The following ABCC11 variants were observed in gnomAD, a reference collection of about 807,000 sequenced individuals.
The protein encoded by ABCC11 is ATP binding cassette subfamily C member 11.
Under a neutral mutation model 149.3 loss-of-function variants are expected in ABCC11, and 135 were observed. That is an observed-to-expected ratio of 0.90 (90% CI 0.79 to 1.04). The LOEUF (loss-of-function observed/expected upper bound fraction) is 1.04. ABCC11 is among the 50% of genes least tolerant of loss of function. The probability of loss-of-function intolerance (pLI) is 0.00; values close to 1 mark genes in which losing one functional copy is unlikely to be tolerated. For synonymous variants in ABCC11, 665 were observed against 671.4 expected (o/e 0.99, Z 0.15); for missense variants, 1,680 against 1,722.1 (o/e 0.98, Z 0.43).
chr16:48,177,013 T>C lies in ABCC11; in HGVS notation c.3449A>G (p.Tyr1150Cys), dbSNP rs1042653391. 1.1e-5 allele frequency: 18 copies of C among 1,614,210 alleles called. No individual in the cohort carries two copies. Among genetic ancestry groups the C allele is most frequent in the Non-Finnish European group, 1.5e-5 (18 of 1,180,032 alleles). ...EIIFQDYHMKYRDNTPTVLHG... is the reference protein window; with the variant it reads ...EIIFQDYHMKCRDNTPTVLHG... ...AAGCACGGTGGGTGTGTTGTCTCTGTATTTCATGTGATAATCCTGAAATAT... is the reference window on the plus strand; with the variant it reads ...AAGCACGGTGGGTGTGTTGTCTCTGCATTTCATGTGATAATCCTGAAATAT... The change falls in exon 25 of 30, where the codon TAC becomes TGC. Residue 1150 changes from tyrosine to cysteine, a missense_variant. By Grantham distance (194) the Tyr-to-Cys change is radical. Transcript: ENST00000356608.
intron 1 of ABCC11, 39 bp downstream of exon 1, chr16:48,247,275 A>G (rs1971454650): frequency 6.6e-6 from 1 of 151,256 alleles, no homozygotes; most frequent in Non-Finnish European, 1.5e-5. Context: ...CCATAGCATT[A>G]GCCTGTTTCC....
At position 48,196,145 on chromosome 16, in the gene ABCC11, C is replaced by T. The variant is rs577538736; in HGVS notation, c.2404+87G>A. ...ATGGCTCCTCTGGACCTCTCTACTT[C>T]ACATGACCTCACGTGTTCCAATCTG... On this transcript the variant is annotated intron_variant, in intron 18 of 29. Transcript: ENST00000356608. 8.1e-5 allele frequency: 113 copies of T among 1,387,164 alleles called. No homozygotes were observed. The African/African-American group carries it at 1.5e-3, about 18-fold the overall frequency. The allele number at this position is 1,387,164 out of a possible 1,614,324, so 85.9% of individuals were successfully genotyped here. A position where few individuals can be genotyped will look rare whatever the true frequency, so the allele number is the denominator to read the frequency against.
At chr16:48,169,966 T>TTGCTGC (rs1555523269) in intron 28 of ABCC11, 139 bp downstream of exon 28, 1 of 620,438 alleles carries the variant, frequency 1.6e-6, no homozygotes, top group African/African-American at 1.9e-5. Context: ...GCTGTTGTTG[T>TTGCTGC]TGTTGTTGTT....
intron 26 of ABCC11, among the ~76,000 whole-genome samples, chr16:48,172,583 A>G (rs1965789853): frequency 6.6e-6 from 1 of 152,148 alleles, no homozygotes. Context: ...ACAGACCACC[A>G]TGCCCAGCTA....
chr16:48,232,190 C>T (rs950463322), intron 1 of ABCC11: 5 of 693,278 alleles, frequency 7.2e-6, no homozygotes, highest in Non-Finnish European at 1.0e-5. Flanking sequence ...CCACCCCCAA[C>T]ACCGCACCCT....
intron 1 of ABCC11, among the ~76,000 whole-genome samples, chr16:48,242,799 G>A (rs958252284): frequency 2.0e-5 from 3 of 151,724 alleles, no homozygotes; most frequent in Non-Finnish European, 2.9e-5. Context: ...CGCAAAGACC[G>A]AAAACAAAAC....
Position 48,175,403 on chromosome 16 carries a change from C to T in ABCC11, c.3553G>A (p.Gly1185Ser). The change falls in exon 26 of 30, where the codon GGC (glycine) becomes AGC (serine). Residue 1185 changes from glycine (G) to serine (S), a missense_variant. Transcript: ENST00000356608. Reference protein sequence around the residue: ...GRTGSGKSSLGMALFRLVEPM... With the variant: ...GRTGSGKSSLSMALFRLVEPM... ...TCCACCAGGCGGAAGAGAGCCATGC[C>T]CAAGGAGGACTTCCCTGTGGGGCAA... The T allele has an allele frequency of 6.2e-7, 1 of 1,610,232 alleles. No homozygotes were observed. The highest frequency in any genetic ancestry group is 2.2e-5 in the East Asian group (1 of 44,752).
rs575178718 is a variant in ABCC11 at position 48,189,090 on chromosome 16, C to T, written c.2707-1663G>A. Among the ~76,000 whole-genome samples the T allele has an allele frequency of 2.0e-5, 3 of 152,322 alleles. No homozygotes were observed. In the South Asian group the frequency reaches 6.2e-4, roughly 32 times the overall value. The stretch of plus-strand genomic sequence containing the variant: ...ATTTAAAGCCTCCTTGCTTTTTCTG[C>T]CTCTAAAATCCCTTCAATTTTATTT... On this transcript the variant is annotated intron_variant, in intron 20 of 29. Coordinates refer to ENST00000356608, the MANE Select transcript of ABCC11 (RefSeq NM_001370497.1).
chr16:48,227,863 T>C lies in ABCC11; in HGVS notation c.338A>G (p.Asp113Gly). Residue 113 changes from aspartate (D) to glycine (G), a missense_variant, in exon 4 of 30, where the codon GAT becomes GGT. Coordinates refer to ENST00000356608, the MANE Select transcript of ABCC11 (RefSeq NM_001370497.1). ...LMIQSLRSRL[D>G]ENTIPPLSVH... is the part of the protein sequence containing the mutation. ...TGACAGTGGAGGGATGGTGTTCTCA[T>C]CTAAGCGACTCCGTAAGCTTTGGAT... 1.2e-6 allele frequency: 2 copies of C among 1,613,964 alleles called. No individual in the cohort carries two copies. Among genetic ancestry groups the C allele is most frequent in the Non-Finnish European group, 1.7e-6 (2 of 1,179,926 alleles).
chr16:48,217,212 T>C (rs1343755001), intron 6 of ABCC11, among the ~76,000 whole-genome samples: 2 of 152,182 alleles, frequency 1.3e-5, no homozygotes, highest in Non-Finnish European at 2.9e-5. Context: ...CTCGATTCTA[T>C]TCATTCTACT....
rs754563097 is a variant in ABCC11, at chr16:48,215,265, T to C, written c.1031A>G (p.Glu344Gly). Reference protein sequence around the residue: ...VSDQRIRVTSEVLTCIKLIKM... With the variant: ...VSDQRIRVTSGVLTCIKLIKM... ...AATCAGCTTAATGCAAGTGAGAACT[T>C]CACTGGTCACACGGATGCGCTGGTC... Residue 344 changes from glutamate to glycine, a missense_variant, in exon 8 of 30, where the codon GAA (glutamate) becomes GGA (glycine). Coordinates refer to ENST00000356608, the MANE Select transcript of ABCC11 (RefSeq NM_001370497.1). 1 of 1,614,160 alleles carries C rather than the reference T, an allele frequency of 6.2e-7. No individual in the cohort carries two copies. Among genetic ancestry groups the C allele is most frequent in the Admixed American group, 1.7e-5 (1 of 60,028 alleles).
At chr16:48,237,093 T>G (rs1411034709) in intron 1 of ABCC11, among the ~76,000 whole-genome samples, 1 of 152,160 alleles carries the variant, frequency 6.6e-6, no homozygotes, top group Non-Finnish European at 1.5e-5. Flanking sequence ...TACCATAAAG[T>G]TTGTAAGCTG....
In ABCC11 at chr16:48,169,830, G is replaced by A. The variant is rs188410401; in HGVS notation, c.3891+275C>T. ...TACCTAATGTAAATGACGAGTTAACGGGTGCAGCACACCAACATGGCACAT... is the reference window on the plus strand; with the variant it reads ...TACCTAATGTAAATGACGAGTTAACAGGTGCAGCACACCAACATGGCACAT... On this transcript the variant is annotated intron_variant, in intron 28 of 29. Coordinates refer to ENST00000356608, the MANE Select transcript of ABCC11 (RefSeq NM_001370497.1). Among the ~76,000 whole-genome samples the A allele has an allele frequency of 1.5e-3, 227 of 151,954 alleles. 2 individuals carry two copies. The highest frequency in any genetic ancestry group is 5.3e-3 in the African/African-American group (221 of 41,476).
rs940739382 is a variant in ABCC11 at position 48,229,453 on chromosome 16, C to CTTT, written c.236+981_236+983dup. The stretch of plus-strand genomic sequence containing the variant: ...TTACTCCCATAACCAAGGCTGGTAA[C>CTTT]TTTTTTTTTTTTTTTTTTTTTTGAG... On this transcript the variant is annotated intron_variant, in intron 3 of 29. Coordinates refer to ENST00000356608, the MANE Select transcript of ABCC11 (RefSeq NM_001370497.1). 5.9e-3 allele frequency among the ~76,000 whole-genome samples: 701 copies of CTTT among 119,042 alleles called. 26 individuals carry two copies. The highest frequency in any genetic ancestry group is 0.021 in the African/African-American group (615 of 29,632). The allele number at this position is 119,042 out of a possible 152,430, so 78.1% of individuals were successfully genotyped here.
rs534254215 is a variant in ABCC11 at position 48,215,226 on chromosome 16, C to T, written c.1070G>A (p.Trp357Ter). ...AATGATTTTTGCAAATGGTTTCTCC[C>T]ATGTGTACATTTTAATCAGCTTAAT... ...TCIKLIKMYT[W>*]EKPFAKIIED... The change falls in exon 8 of 30, where the codon TGG becomes TAG. Residue 357 changes from tryptophan (W) to a stop codon, truncating the protein, a stop_gained. Coordinates refer to ENST00000356608, the MANE Select transcript of ABCC11 (RefSeq NM_001370497.1). LOFTEE classifies it high-confidence loss of function. 6.2e-7 allele frequency: 1 copy of T among 1,613,288 alleles called. No individual in the cohort carries two copies. The highest frequency in any genetic ancestry group is 1.3e-5 in the African/African-American group (1 of 75,038).
intron 14 of ABCC11, among the ~76,000 whole-genome samples, chr16:48,202,056 C>T (rs1450738002): frequency 2.0e-5 from 3 of 152,154 alleles, no homozygotes; most frequent in Admixed American, 1.3e-4. Flanking sequence ...GCCCAGTTTC[C>T]CCATTCATTC....
In ABCC11 at chr16:48,216,129, C is replaced by G; in HGVS notation, c.936G>C (p.Leu312=). 6.2e-7 allele frequency: 1 copy of G among 1,613,972 alleles called. No individual in the cohort carries two copies. The highest frequency in any genetic ancestry group is 8.5e-7 in the Non-Finnish European group (1 of 1,179,966). Residue 312 remains leucine, a synonymous_variant, in exon 7 of 30, where the codon CTG becomes CTC. Coordinates refer to ENST00000356608, the MANE Select transcript of ABCC11 (RefSeq NM_001370497.1). ...TAFIAILCYL[L]VFPLAVFMTR... Reference sequence around the variant, plus strand: ...AAGACATTACCGCCAGTGGGAAAACCAGGAGATAGCATAAGATGGCAATAA... The same window carrying G: ...AAGACATTACCGCCAGTGGGAAAACGAGGAGATAGCATAAGATGGCAATAA...
chr16:48,214,798 C>T (rs1416570017), intron 9 of ABCC11, 83 bp downstream of exon 9: 2 of 1,561,588 alleles, frequency 1.3e-6, no homozygotes, highest in Non-Finnish European at 8.8e-7. Flanking sequence ...GCCTTCAGAC[C>T]TTTGAGGGGC....
chr16:48,171,012 C>T (rs371971931), intron 26 of ABCC11, 45 bp from the exon 27 acceptor site: 37 of 1,470,736 alleles, frequency 2.5e-5, no homozygotes, highest in Non-Finnish European at 3.4e-5. Flanking sequence ...ATCACCCAGG[C>T]TTTGAACACT....
Sources: allele counts gnomAD v4.1 joint callset (sites outside exome capture counted in the v4.1 genomes callset), GRCh38; gene constraint gnomAD v4.1.1; transcripts MANE v1.5; gene names NCBI Gene and HGNC (gene_info 2026-07-23, HGNC 2026-07-21).